The following MED12L variants were observed in gnomAD, a reference collection of about 807,000 sequenced individuals.
The protein encoded by MED12L is mediator of RNA polymerase II transcription subunit 12-like protein.
In MED12L, 60 loss-of-function variants were observed where a neutral mutation model predicts 281.3. The observed-to-expected ratio is 0.21, with a 90% CI of 0.17 to 0.26. MED12L has a LOEUF of 0.26. MED12L is among the 10% of genes least tolerant of loss of function. MED12L has a pLI of 1.00. For synonymous variants in MED12L, 974 were observed against 987.2 expected, an observed-to-expected ratio of 0.99 and a Z score of 0.25; for missense variants, 2,146 against 2,680.9, an observed-to-expected ratio of 0.80 and a Z score of 4.41.
chr3:151,297,206 A>G lies in MED12L; in HGVS notation c.2251-52853A>G, dbSNP rs533323541. Among the ~76,000 whole-genome samples the G allele has an allele frequency of 2.0e-5, 3 of 152,334 alleles. No homozygotes were observed. The South Asian group carries it at 6.2e-4, about 32-fold the overall frequency. On this transcript the variant is annotated intron_variant, in intron 16 of 44. Transcript: ENST00000687756. ...TCTATATCACTGCTGCCAGTTTGTA[A>G]TATTTCCTTGTACAGTATCATTCAA...
rs576262380 is a variant in MED12L, at chr3:151,222,260, C to CTG, written c.2250+28595_2250+28596dup. On this transcript the variant is annotated intron_variant, in intron 16 of 44. Coordinates refer to ENST00000687756, the MANE Select transcript of MED12L (RefSeq NM_001393769.1). ...GACTTGCCTTGTCTGGGATGAGACT[C>CTG]TGGACTGTGGACTTCTGAGTTAATG... is the stretch of plus-strand genomic sequence containing the variant. Among the ~76,000 whole-genome samples, 77 of 152,058 alleles carry CTG rather than the reference C, an allele frequency of 5.1e-4. 1 individual carries two copies. The highest frequency in any genetic ancestry group is 7.6e-4 in the Non-Finnish European group (52 of 67,994).
At chr3:151,159,683 G>A (rs1422310773) in intron 7 of MED12L, 149 bp from the exon 8 acceptor site, 7 of 668,344 alleles carry the variant, frequency 1.0e-5, no homozygotes, top group East Asian at 2.7e-5. Context: ...TATACGTGTG[G>A]CTCACATTCT....
intron 16 of MED12L, among the ~76,000 whole-genome samples, chr3:151,335,816 T>A (rs1750906333): frequency 1.3e-5 from 2 of 152,250 alleles, no homozygotes; most frequent in South Asian, 4.1e-4. Context: ...TAGAGTTTTA[T>A]GTAAAATTTC....
intron 12 of MED12L, among the ~76,000 whole-genome samples, chr3:151,186,241 T>G (rs1723254214): frequency 6.6e-6 from 1 of 152,214 alleles, no homozygotes; most frequent in Non-Finnish European, 1.5e-5. Flanking sequence ...TTAGCAGGGA[T>G]GGCTATGGGG....
chr3:151,420,899 G>A (rs1015772812), intron 43 of MED12L, among the ~76,000 whole-genome samples: 3 of 152,228 alleles, frequency 2.0e-5, no homozygotes, highest in African/African-American at 7.2e-5. Flanking sequence ...CACATCCGGA[G>A]TAAGTGTCTT....
chr3:151,253,932 T>G (rs1737307178), intron 16 of MED12L, among the ~76,000 whole-genome samples: 2 of 152,062 alleles, frequency 1.3e-5, no homozygotes, highest in African/African-American at 4.8e-5. Context: ...CACTACTTTT[T>G]TTTTCTTCTT....
rs1006781086 is a variant in MED12L at position 151,313,178 on chromosome 3, C to T, written c.2251-36881C>T. ...ATCTCAGTGCTGTGCTCCTAACTACCGCTCTGCTACTGCCTGCACAGAAGT... is the reference window on the plus strand; with the variant it reads ...ATCTCAGTGCTGTGCTCCTAACTACTGCTCTGCTACTGCCTGCACAGAAGT... On this transcript the variant is annotated intron_variant, in intron 16 of 44. Coordinates refer to ENST00000687756, the MANE Select transcript of MED12L (RefSeq NM_001393769.1). Among the ~76,000 whole-genome samples, 21 of 152,058 alleles carry T rather than the reference C, an allele frequency of 1.4e-4. 1 individual carries two copies. Among genetic ancestry groups the T allele is most frequent in the South Asian group, 6.2e-4 (3 of 4,820 alleles).
chr3:151,228,948 C>T (rs1731069414), intron 16 of MED12L, among the ~76,000 whole-genome samples: 1 of 152,174 alleles, frequency 6.6e-6, no homozygotes, highest in African/African-American at 2.4e-5. Context: ...TTGCATTTCT[C>T]AGGCAAGCAG....
intron 16 of MED12L, among the ~76,000 whole-genome samples, chr3:151,334,827 A>G (rs1013760953): frequency 1.3e-5 from 2 of 152,076 alleles, no homozygotes; most frequent in African/African-American, 4.8e-5. Context: ...TTATAGAGCC[A>G]GTTAGAAAAT....
chr3:151,090,027 A>G (rs975920401), intron 2 of MED12L, among the ~76,000 whole-genome samples: 5 of 152,086 alleles, frequency 3.3e-5, no homozygotes, highest in African/African-American at 1.2e-4. Context: ...TCTCTTCCCC[A>G]GGGCTCCTGC....
At chr3:151,178,131 C>T (rs549054018) in intron 11 of MED12L, among the ~76,000 whole-genome samples, 2 of 122,610 alleles carry the variant, frequency 1.6e-5, no homozygotes, top group East Asian at 4.9e-4. Flanking sequence ...ACACTCCAGC[C>T]TGGGCAACAG....
intron 16 of MED12L, among the ~76,000 whole-genome samples, chr3:151,239,487 A>G (rs1733637974): frequency 6.6e-6 from 1 of 152,244 alleles, no homozygotes; most frequent in Non-Finnish European, 1.5e-5. Flanking sequence ...TCTAGGCCAG[A>G]TGTTAAAGAG....
intron 11 of MED12L, among the ~76,000 whole-genome samples, chr3:151,179,920 C>G (rs7650959): frequency 1.3e-5 from 2 of 152,002 alleles, no homozygotes; most frequent in African/African-American, 2.4e-5. Context: ...TTAAAGTAGG[C>G]GCAGAAGCTG....
At chr3:151,162,547 T>TC (rs1258030314) in intron 8 of MED12L, among the ~76,000 whole-genome samples, 1 of 151,450 alleles carries the variant, frequency 6.6e-6, no homozygotes, top group East Asian at 1.9e-4. Context: ...TAAGTGATCC[T>TC]CCCCCCTCAG....
intron 16 of MED12L, among the ~76,000 whole-genome samples, chr3:151,280,916 A>T (rs1342347329): frequency 6.6e-6 from 1 of 152,002 alleles, no homozygotes; most frequent in Non-Finnish European, 1.5e-5. Flanking sequence ...TCTAAGCTAG[A>T]AAGTAGCAGG....
intron 36 of MED12L, 129 bp downstream of exon 36, chr3:151,385,320 T>G: frequency 1.8e-6 from 1 of 554,782 alleles, no homozygotes; most frequent in Non-Finnish European, 3.1e-6. Flanking sequence ...TATGCTTGTC[T>G]TCTAAGTGTA....
intron 43 of MED12L, among the ~76,000 whole-genome samples, chr3:151,428,115 A>G (rs1222755125): frequency 1.3e-5 from 2 of 152,200 alleles, no homozygotes. Flanking sequence ...CCTGGTCTGC[A>G]TATTAGGAGT....
chr3:151,206,662 T>TTTTTTTTG lies in MED12L; in HGVS notation c.2250+12996_2250+12997insTTTTTTTG, dbSNP rs71138488. ...ATTATCTTTTTTTTTTTTTTTTTTT[T>TTTTTTTTG]GAGACAGAGTCTTGCTCTGTCACCC... On this transcript the variant is annotated intron_variant, in intron 16 of 44. Coordinates refer to ENST00000687756, the MANE Select transcript of MED12L (RefSeq NM_001393769.1). Among the ~76,000 whole-genome samples, 4 of 141,362 alleles carry TTTTTTTTG rather than the reference T, an allele frequency of 2.8e-5. 1 individual carries two copies. Among genetic ancestry groups the TTTTTTTTG allele is most frequent in the Non-Finnish European group, 1.5e-5 (1 of 65,416 alleles). 92.7% of individuals were successfully genotyped at this position (141,362 alleles called of 152,430 possible).
intron 23 of MED12L, among the ~76,000 whole-genome samples, chr3:151,366,557 G>GAT (rs1204866942): frequency 4.6e-5 from 7 of 152,320 alleles, no homozygotes; most frequent in Non-Finnish European, 1.0e-4. Flanking sequence ...TTGCATCCAT[G>GAT]ATGTGTGTAT....
Sources: gnomAD v4.1 joint callset for allele counts (sites outside exome capture counted in the v4.1 genomes callset) on GRCh38, gnomAD v4.1.1 for gene constraint, MANE v1.5 for transcripts, NCBI Gene and HGNC (gene_info 2026-07-23, HGNC 2026-07-21) for gene names.